The following IGSF5 variants were observed in gnomAD, a reference collection of about 807,000 sequenced individuals.
The protein encoded by IGSF5 is immunoglobulin superfamily member 5, also known as immunoglobulin superfamily 5 like.
A neutral mutation model predicts 39.4 loss-of-function variants in IGSF5; 41 were observed. The observed-to-expected ratio is 1.04, with a 90% CI of 0.81 to 1.35. The LOEUF is 1.35. Among genes scored for constraint, IGSF5 ranks in the 40% most tolerant of loss-of-function variants. The pLI is 0.00. For missense variants in IGSF5, 487 were observed against 494.6 expected (o/e 0.98, Z 0.15); for synonymous variants, 183 against 175.3 (o/e 1.04, Z -0.34).
chr21:39,729,910 G>A, the IGSF5 span: 1 of 152,252 alleles, frequency 6.6e-6, no homozygotes, highest in African/African-American at 2.4e-5. Context: ...CGGCAAAGGT[G>A]AATGGGATCC....
At position 39,749,395 on chromosome 21, in the gene IGSF5, T is replaced by G. The variant is rs555052954; in HGVS notation, c.100+3097T>G. The stretch of plus-strand genomic sequence containing the variant: ...GCCCGGCTAATTATTGTATTTTTAG[T>G]AGAGACAGAATTTCGCCATGTTGGC... On this transcript the variant is annotated intron_variant, in intron 2 of 8. Transcript: ENST00000380588. 2.6e-5 allele frequency among the ~76,000 whole-genome samples: 4 copies of G among 152,240 alleles called. No individual in the cohort carries two copies. The South Asian group carries it at 8.3e-4, about 32-fold the overall frequency.
At chr21:39,736,893 C>T in the IGSF5 span, among the ~76,000 whole-genome samples, 96 of 152,290 alleles carry the variant, frequency 6.3e-4, 4 homozygotes, top group South Asian at 0.019. Flanking sequence ...ACTCCTGGTG[C>T]CGACTGACGC....
intron 5 of IGSF5, among the ~76,000 whole-genome samples, chr21:39,786,190 A>AT (rs1298138649): frequency 1.3e-5 from 2 of 151,924 alleles, no homozygotes; most frequent in East Asian, 3.9e-4. Context: ...ATGGGAGAAA[A>AT]TTTTTGCAAC....
At chr21:39,758,740 A>G (rs2080045963) in intron 2 of IGSF5, among the ~76,000 whole-genome samples, 1 of 152,158 alleles carries the variant, frequency 6.6e-6, no homozygotes, top group South Asian at 2.1e-4. Flanking sequence ...GGGTGCTGGG[A>G]GGAACTGGGG....
intron 2 of IGSF5, among the ~76,000 whole-genome samples, chr21:39,750,107 G>T (rs765748280): frequency 2.6e-5 from 4 of 152,188 alleles, no homozygotes; most frequent in Admixed American, 6.5e-5. Flanking sequence ...TGGGAGGCAG[G>T]TCTGCCTGAT....
intron 4 of IGSF5, among the ~76,000 whole-genome samples, chr21:39,778,036 CGCAG>C (rs2080149718): frequency 1.3e-5 from 2 of 152,056 alleles, no homozygotes; most frequent in Admixed American, 1.3e-4. Flanking sequence ...CACCCAAGCA[CGCAG>C]GGTTGAGTGA....
the IGSF5 span, among the ~76,000 whole-genome samples, chr21:39,722,233 C>A: frequency 6.6e-6 from 1 of 152,146 alleles, no homozygotes; most frequent in Non-Finnish European, 1.5e-5. Flanking sequence ...GGGAAGAGCA[C>A]TTTATTAGGG....
intron 5 of IGSF5, among the ~76,000 whole-genome samples, chr21:39,782,520 G>T (rs75022526): frequency 6.6e-6 from 1 of 151,970 alleles, no homozygotes; most frequent in African/African-American, 2.4e-5. Context: ...CCCTATTCCC[G>T]CTTCCCCCCA....
At chr21:39,769,703 A>G (rs1386820105) in intron 3 of IGSF5, among the ~76,000 whole-genome samples, 1 of 152,168 alleles carries the variant, frequency 6.6e-6, no homozygotes, top group Non-Finnish European at 1.5e-5. Flanking sequence ...GTATAAAACA[A>G]TGTCACTCAT....
chr21:39,788,818 G>A (rs2086941849), intron 6 of IGSF5, among the ~76,000 whole-genome samples: 1 of 152,204 alleles, frequency 6.6e-6, no homozygotes, highest in Admixed American at 6.5e-5. Flanking sequence ...TGCACCAAGG[G>A]GAGGGTTTTT....
upstream of IGSF5, among the ~76,000 whole-genome samples, chr21:39,743,396 A>G (rs1461081136): frequency 6.6e-6 from 1 of 152,258 alleles, no homozygotes; most frequent in Admixed American, 6.5e-5. Flanking sequence ...TAAAACATCA[A>G]TATAGCCATC....
the IGSF5 span, among the ~76,000 whole-genome samples, chr21:39,728,175 T>C: frequency 0.047 from 7,153 of 152,130 alleles, 189 homozygotes; most frequent in African/African-American, 0.051. Flanking sequence ...CAAAAAGATA[T>C]GTTCACGTCC....
chr21:39,756,875 A>C (rs1267503472), intron 2 of IGSF5, among the ~76,000 whole-genome samples: 1 of 152,070 alleles, frequency 6.6e-6, no homozygotes, highest in Non-Finnish European at 1.5e-5. Context: ...GGGGGTTGGA[A>C]GGAAGGAACA....
At chr21:39,744,799 T>G (rs2079964163), upstream of IGSF5, among the ~76,000 whole-genome samples, 1 of 152,254 alleles carries the variant, frequency 6.6e-6, no homozygotes, top group African/African-American at 2.4e-5. Context: ...CGAAGTTTCC[T>G]CTAAAAGTTA....
chr21:39,801,413 T>C lies in IGSF5; in HGVS notation c.*56T>C. On this transcript the variant is annotated 3_prime_UTR_variant, in exon 9 of 9. Coordinates refer to ENST00000380588, the MANE Select transcript of IGSF5 (RefSeq NM_001080444.2). ...TGGCTGACAATTCAAAACACGGCGA[T>C]GGCATCCTTCCTTTCCATCCTAAGA... 1 of 1,271,848 alleles carries C rather than the reference T, an allele frequency of 7.9e-7. No individual in the cohort carries two copies. Among genetic ancestry groups the C allele is most frequent in the Non-Finnish European group, 1.1e-6 (1 of 874,436 alleles). 78.8% of individuals were successfully genotyped at this position (1,271,848 alleles called of 1,614,324 possible). A position where few individuals can be genotyped will look rare whatever the true frequency, so the allele number is the denominator to read the frequency against.
chr21:39,774,635 G>A (rs1237164254), intron 4 of IGSF5, among the ~76,000 whole-genome samples: 1 of 152,184 alleles, frequency 6.6e-6, no homozygotes, highest in Non-Finnish European at 1.5e-5. Context: ...TGGAGAGTGA[G>A]GCCGTCTCAC....
chr21:39,744,184 G>A (rs969387015), upstream of IGSF5, among the ~76,000 whole-genome samples: 3 of 151,998 alleles, frequency 2.0e-5, no homozygotes, highest in East Asian at 1.9e-4. Context: ...AAAGGGGTCC[G>A]GGCTGCTGGA....
At chr21:39,783,255 T>C (rs1173667315) in intron 5 of IGSF5, among the ~76,000 whole-genome samples, 1 of 152,214 alleles carries the variant, frequency 6.6e-6, no homozygotes, top group Non-Finnish European at 1.5e-5. Context: ...GATTGTATGA[T>C]AGCTCTATTT....
At chr21:39,793,009 A>AT (rs5843978) in intron 7 of IGSF5, among the ~76,000 whole-genome samples, 89,214 of 151,472 alleles carry the variant, frequency 0.59, 26,533 homozygotes, top group Middle Eastern at 0.65. Context: ...CAGCAGCCCC[A>AT]TTTTTTTTGA....
Sources: gnomAD v4.1 joint callset for allele counts (sites outside exome capture counted in the v4.1 genomes callset) on GRCh38, gnomAD v4.1.1 for gene constraint, MANE v1.5 for transcripts, NCBI Gene and HGNC (gene_info 2026-07-23, HGNC 2026-07-21) for gene names.